ADAMTS9: variants seen among roughly 807,000 people sequenced by gnomAD.
ADAMTS9 encodes the protein ADAM metallopeptidase with thrombospondin type 1 motif 9.
ADAMTS9 carries 107 observed loss-of-function variants against 257.1 expected under a neutral mutation model. That is an observed-to-expected ratio of 0.42 (90% CI 0.36 to 0.49). The LOEUF (loss-of-function observed/expected upper bound fraction) is 0.49. Ranked by LOEUF, ADAMTS9 falls within the 20% of genes least tolerant of loss-of-function variation. The pLI, the probability that ADAMTS9 is intolerant of heterozygous loss-of-function variation, is 0.03. For missense variants in ADAMTS9, 2,353 were observed against 2,469.1 expected (o/e 0.95, Z 1.00); for synonymous variants, 982 against 880.9 (o/e 1.11, Z -2.03).
intron 16 of ADAMTS9, 60 bp from the exon 17 acceptor site, chr3:64,622,646 T>TA: frequency 6.4e-7 from 1 of 1,571,888 alleles, no homozygotes. Flanking sequence ...CTGTTTGAAA[T>TA]ATGAAGTAAC....
chr3:64,516,105 G>A lies in ADAMTS9; in HGVS notation c.*1022C>T, dbSNP rs936368214. 1 of 152,150 alleles carries A rather than the reference G, an allele frequency of 6.6e-6. No homozygotes were observed. Among genetic ancestry groups the A allele is most frequent in the Non-Finnish European group, 1.5e-5 (1 of 68,038 alleles). 9.4% of individuals were successfully genotyped at this position (152,150 alleles called of 1,614,324 possible). ...CACCAGCCGATGTTTTCATGCAAAA[G>A]GCAATCGTGATGATTCAGAACCTGG... is the stretch of plus-strand genomic sequence containing the variant. On this transcript the variant is annotated 3_prime_UTR_variant, in exon 40 of 40. Transcript: ENST00000498707.
At chr3:64,621,826 G>A (rs753910701) in intron 18 of ADAMTS9, among the ~76,000 whole-genome samples, 4 of 151,168 alleles carry the variant, frequency 2.6e-5, no homozygotes, top group Admixed American at 6.6e-5. Context: ...AAAGGTAGGC[G>A]GTAGGCTGGA....
intron 3 of ADAMTS9, among the ~76,000 whole-genome samples, chr3:64,680,223 A>C (rs998966080): frequency 9.9e-5 from 15 of 152,218 alleles, no homozygotes; most frequent in African/African-American, 3.4e-4. Flanking sequence ...GCATTTGAGG[A>C]AACTCCCTGG....
chr3:64,602,262 G>A, intron 25 of ADAMTS9, 49 bp from the exon 26 acceptor site: 1 of 1,590,070 alleles, frequency 6.3e-7, no homozygotes, highest in African/African-American at 1.3e-5. Context: ...TGGTGGAGGG[G>A]TTGACAATTC....
chr3:64,623,264 A>G (rs1700150113), intron 16 of ADAMTS9, among the ~76,000 whole-genome samples: 1 of 152,230 alleles, frequency 6.6e-6, no homozygotes, highest in African/African-American at 2.4e-5. Context: ...AGGCAAGGCC[A>G]AAGGCACTTT....
intron 21 of ADAMTS9, among the ~76,000 whole-genome samples, 196 bp from the exon 22 acceptor site, chr3:64,613,705 C>A (rs969653018): frequency 6.6e-6 from 1 of 152,104 alleles, no homozygotes; most frequent in Non-Finnish European, 1.5e-5. Flanking sequence ...TATTTATAGT[C>A]TCTGGGCCAG....
At position 64,541,309 on chromosome 3, in the gene ADAMTS9, G is replaced by C. The variant is rs755586554; in HGVS notation, c.5387+11C>G. 1.2e-6 allele frequency: 2 copies of C among 1,614,018 alleles called. No homozygotes were observed. Among genetic ancestry groups the C allele is most frequent in the South Asian group, 2.2e-5 (2 of 91,076 alleles). Reference sequence around the variant, plus strand: ...CAGGCCTCTGAGATCTTCTGAGCCTGGCTCTCCTACCTGTGCCCATAAACC... The same window carrying C: ...CAGGCCTCTGAGATCTTCTGAGCCTCGCTCTCCTACCTGTGCCCATAAACC... On this transcript the variant is annotated intron_variant, in intron 35 of 39. Coordinates refer to ENST00000498707, the MANE Select transcript of ADAMTS9 (RefSeq NM_182920.2).
chr3:64,613,204 G>T, intron 22 of ADAMTS9, 141 bp downstream of exon 22: 2 of 957,684 alleles, frequency 2.1e-6, no homozygotes, highest in Non-Finnish European at 3.0e-6. Flanking sequence ...AGTTACATGT[G>T]CTTGATCCAG....
At chr3:64,586,307 C>T (rs2084151900) in intron 28 of ADAMTS9, among the ~76,000 whole-genome samples, 2 of 151,994 alleles carry the variant, frequency 1.3e-5, no homozygotes, top group Non-Finnish European at 2.9e-5. Flanking sequence ...CAAAGTCCTC[C>T]CTATAATTAT....
chr3:64,536,193 C>T (rs1278612088), intron 37 of ADAMTS9, among the ~76,000 whole-genome samples: 1 of 152,208 alleles, frequency 6.6e-6, no homozygotes, highest in Non-Finnish European at 1.5e-5. Context: ...GATCATCCTC[C>T]TCATTCTCCT....
chr3:64,613,503 C>A lies in ADAMTS9; in HGVS notation c.3196G>T (p.Val1066Phe), dbSNP rs749331861. The change falls in exon 22 of 40, where the codon GTC (valine) becomes TTC (phenylalanine). Residue 1066 changes from valine (V) to phenylalanine (F), a missense_variant. Val to Phe is a conservative substitution (Grantham distance 50, BLOSUM62 -1). This residue lies in a region of ADAMTS9 where 1,402 missense variants were observed against 1,441.4 expected (regional missense o/e 0.97). Transcript: ENST00000498707. The part of the protein sequence containing the change: ...WKSGDWSECL[V>F]TCGKGHKHRQ... ...TGCTTATGCCCTTTTCCACAGGTGA[C>A]CAAGCACTGTAATGAAAAGCGGAGC... 54 of 1,612,814 alleles carry A rather than the reference C, an allele frequency of 3.3e-5. 1 individual carries two copies. In the South Asian group the frequency reaches 5.8e-4, roughly 17 times the overall value.
chr3:64,609,242 T>C (rs2084622339), intron 22 of ADAMTS9, among the ~76,000 whole-genome samples: 1 of 152,156 alleles, frequency 6.6e-6, no homozygotes, highest in Non-Finnish European at 1.5e-5. Flanking sequence ...TCACCACTGC[T>C]GTTCATCATT....
At chr3:64,653,845 T>C (rs2106954397) in intron 8 of ADAMTS9, among the ~76,000 whole-genome samples, 1 of 152,332 alleles carries the variant, frequency 6.6e-6, no homozygotes, top group South Asian at 2.1e-4. Context: ...TCTATCTTTG[T>C]TCATTCTCTT....
At chr3:64,676,154 G>A (rs2107031701) in intron 3 of ADAMTS9, among the ~76,000 whole-genome samples, 1 of 152,234 alleles carries the variant, frequency 6.6e-6, no homozygotes, top group Non-Finnish European at 1.5e-5. Flanking sequence ...ACACAAGGCA[G>A]GATTTTTATC....
intron 27 of ADAMTS9, 67 bp downstream of exon 27, chr3:64,596,763 C>A (rs1576097829): frequency 6.4e-7 from 1 of 1,574,714 alleles, no homozygotes; most frequent in South Asian, 1.2e-5. Context: ...AAAATAAAAT[C>A]TGAATGATAA....
In ADAMTS9 at chr3:64,541,194, T is replaced by C. The variant is rs750639784; in HGVS notation, c.5422A>G (p.Ser1808Gly). The stretch of plus-strand genomic sequence containing the variant: ...CGACATTGGCAGTCATCGCGCCGGC[T>C]CCCGTTATAGGGACATTCTGTTGGG... ...HNPTECPYNG[S>G]RRDDCQCRKD... The change falls in exon 36 of 40, where the codon AGC becomes GGC. Residue 1808 changes from serine (S) to glycine (G), a missense_variant. Physicochemically the swap from Ser to Gly is moderately conservative, Grantham distance 56. Transcript: ENST00000498707. 3 of 1,614,086 alleles carry C rather than the reference T, an allele frequency of 1.9e-6. No individual in the cohort carries two copies. The African/African-American group carries it at 4.0e-5, about 22-fold the overall frequency.
chr3:64,563,321 A>C (rs1235421018), intron 29 of ADAMTS9: 1 of 152,220 alleles, frequency 6.6e-6, no homozygotes, highest in Non-Finnish European at 1.5e-5. Context: ...CAACAACCAA[A>C]AAGTCTTTTG....
intron 29 of ADAMTS9, among the ~76,000 whole-genome samples, chr3:64,566,348 T>C (rs2106671830): frequency 6.6e-6 from 1 of 152,350 alleles, no homozygotes; most frequent in Non-Finnish European, 1.5e-5. Flanking sequence ...CCTGCTTTTC[T>C]TATTTATTTC....
intron 30 of ADAMTS9, among the ~76,000 whole-genome samples, chr3:64,560,479 T>C (rs1439631228): frequency 2.6e-5 from 4 of 152,152 alleles, no homozygotes; most frequent in Non-Finnish European, 5.9e-5. Context: ...AGAATGCAGT[T>C]CTAGTATTTC....
Sources: allele counts gnomAD v4.1 joint callset (sites outside exome capture counted in the v4.1 genomes callset), GRCh38; gene constraint gnomAD v4.1.1; regional missense constraint gnomAD v4.1.1; transcripts MANE v1.5; gene names NCBI Gene and HGNC (gene_info 2026-07-23, HGNC 2026-07-21).